Variants in KIRREL3 observed in about 807,000 individuals in gnomAD.
KIRREL3 encodes the protein kirre like nephrin family adhesion molecule 3.
A neutral mutation model predicts 89.7 loss-of-function variants in KIRREL3; 36 were observed. That is an observed-to-expected ratio of 0.40 (90% CI 0.31 to 0.53). KIRREL3 has a LOEUF of 0.53. KIRREL3 is among the 20% of genes least tolerant of loss of function. The probability of loss-of-function intolerance (pLI) is 0.49; values close to 1 mark genes in which losing one functional copy is unlikely to be tolerated. For synonymous variants in KIRREL3, 445 were observed against 441.4 expected (o/e 1.01, Z -0.10); for missense variants, 864 against 1,056.6 (o/e 0.82, Z 2.53).
At position 126,594,278 on chromosome 11, in the gene KIRREL3, G is replaced by A. The variant is rs116779750; in HGVS notation, c.56-31366C>T. The stretch of plus-strand genomic sequence containing the variant: ...GAAGGGTAGGGCTGGGGGCTGGGTC[G>A]GAGCCACAGGATTCATGGCGTACTG... On this transcript the variant is annotated intron_variant, in intron 1 of 16. Transcript: ENST00000525144. The surrounding 1 kb of genome is among the most constrained non-coding windows in gnomAD (Gnocchi z 5.0). Among the ~76,000 whole-genome samples, 340 of 151,612 alleles carry A rather than the reference G, an allele frequency of 2.2e-3. 1 individual carries two copies. Among genetic ancestry groups the A allele is most frequent in the African/African-American group, 8.0e-3 (330 of 41,496 alleles).
At chr11:126,838,562 G>T (rs1021579078) in intron 1 of KIRREL3, among the ~76,000 whole-genome samples, 1 of 152,122 alleles carries the variant, frequency 6.6e-6, no homozygotes, top group Admixed American at 6.5e-5. Context: ...TTTTTAAAGC[G>T]CCTCCCTCTG....
Position 126,900,910 on chromosome 11 carries a change from A to T in KIRREL3, c.55+99545T>A, listed in dbSNP as rs546039856. ...TATGTAAAACTGTAGGAAAAAAGGG[A>T]AAGTTGGAAGGGGAGGATAGAAAGA... On this transcript the variant is annotated intron_variant, in intron 1 of 16. Coordinates refer to ENST00000525144, the MANE Select transcript of KIRREL3 (RefSeq NM_032531.4). This position sits in a 1 kb window ranked among gnomAD's most constrained non-coding sequence, Gnocchi z 4.4. 5.9e-5 allele frequency among the ~76,000 whole-genome samples: 9 copies of T among 152,290 alleles called. No individual in the cohort carries two copies. Among genetic ancestry groups the T allele is most frequent in the African/African-American group, 2.2e-4 (9 of 41,552 alleles).
intron 1 of KIRREL3, among the ~76,000 whole-genome samples, chr11:126,663,103 G>A (rs1057491479): frequency 1.3e-5 from 2 of 151,514 alleles, no homozygotes; most frequent in African/African-American, 4.8e-5. Context: ...ATCTCCACAC[G>A]TGGGACTGAT....
intron 4 of KIRREL3, among the ~76,000 whole-genome samples, chr11:126,504,327 C>T (rs1475728862): frequency 2.0e-5 from 3 of 152,138 alleles, no homozygotes; most frequent in African/African-American, 7.2e-5. Flanking sequence ...ACCTAGCAGC[C>T]AGGGTGAGTC....
At chr11:126,547,213 A>C (rs1370771237) in intron 2 of KIRREL3, among the ~76,000 whole-genome samples, 2 of 152,242 alleles carry the variant, frequency 1.3e-5, no homozygotes, top group Non-Finnish European at 2.9e-5. Context: ...AGGGACCACT[A>C]GTCCTGACAC....
chr11:126,818,618 AGTAGTAGTGTGTGTGTGTGTGT>A (rs1195274984), intron 1 of KIRREL3, among the ~76,000 whole-genome samples: 5 of 72,930 alleles, frequency 6.9e-5, no homozygotes, highest in Non-Finnish European at 1.9e-4. Context: ...TAGTAGTAGT[AGTAGTAGTGTGTGTGTGTGTGT>A]GTGTGTGTGT....
At position 126,441,934 on chromosome 11, in the gene KIRREL3, G is replaced by T. The variant is rs1036251589; in HGVS notation, c.1253-1385C>A. 6.6e-6 allele frequency among the ~76,000 whole-genome samples: 1 copy of T among 152,128 alleles called. No homozygotes were observed. Among genetic ancestry groups the T allele is most frequent in the African/African-American group, 2.4e-5 (1 of 41,436 alleles). Reference sequence around the variant, plus strand: ...GAGGAGATTGATGTTTTAGGAACCGGATGGTGCTTTGTTTTATTGCTGGAC... The same window carrying T: ...GAGGAGATTGATGTTTTAGGAACCGTATGGTGCTTTGTTTTATTGCTGGAC... On this transcript the variant is annotated intron_variant, in intron 10 of 16. Transcript: ENST00000525144. The surrounding 1 kb of genome is among the most constrained non-coding windows in gnomAD (Gnocchi z 5.0).
Position 126,424,953 on chromosome 11 carries a change from G to C in KIRREL3, c.1964C>G (p.Ser655Cys), listed in dbSNP as rs760107224. 1 of 1,593,852 alleles carries C rather than the reference G, an allele frequency of 6.3e-7. No individual in the cohort carries two copies. The highest frequency in any genetic ancestry group is 8.6e-7 in the Non-Finnish European group (1 of 1,167,270). Reference sequence around the variant, plus strand: ...AGGACGCAGGTCGGGCTGGCAGCTGGAGAGGGAGATGGTCGGGGTTGAGTG... The same window carrying C: ...AGGACGCAGGTCGGGCTGGCAGCTGCAGAGGGAGATGGTCGGGGTTGAGTG... Reference protein sequence around the residue: ...EHHSTPTISLSSCQPDLRPAG... With the variant: ...EHHSTPTISLCSCQPDLRPAG... The change falls in exon 17 of 17, where the codon TCC becomes TGC. Residue 655 changes from serine (S) to cysteine (C), a missense_variant. Transcript: ENST00000525144.
intron 1 of KIRREL3, among the ~76,000 whole-genome samples, chr11:126,960,563 T>C (rs1345069688): frequency 2.0e-5 from 3 of 152,196 alleles, no homozygotes; most frequent in African/African-American, 4.8e-5. Context: ...CAGCAACTAG[T>C]AGTCCAGAGA....
intron 1 of KIRREL3, among the ~76,000 whole-genome samples, chr11:126,672,845 A>C (rs555401107): frequency 1.3e-5 from 2 of 152,350 alleles, no homozygotes; most frequent in African/African-American, 4.8e-5. Context: ...CAATCTAGTT[A>C]ATTAACCAAC....
chr11:126,503,046 C>A, intron 4 of KIRREL3, among the ~76,000 whole-genome samples: 1 of 152,204 alleles, frequency 6.6e-6, no homozygotes, highest in Non-Finnish European at 1.5e-5. Flanking sequence ...ATAATGTCAG[C>A]ATTTCACCTG....
chr11:126,554,565 T>A (rs1370329083), intron 2 of KIRREL3, among the ~76,000 whole-genome samples: 1 of 152,160 alleles, frequency 6.6e-6, no homozygotes, highest in Non-Finnish European at 1.5e-5. Flanking sequence ...TCCCAGCATC[T>A]TGGAGCTACT....
intron 1 of KIRREL3, among the ~76,000 whole-genome samples, chr11:126,785,797 C>T (rs928241741): frequency 6.1e-5 from 9 of 148,718 alleles, no homozygotes; most frequent in Admixed American, 2.0e-4. Context: ...TCGCTTGAAC[C>T]CAGGAGGTGG....
rs1947513052 is a variant in KIRREL3, at chr11:126,705,963, T to A, written c.56-143051A>T. Among the ~76,000 whole-genome samples the A allele has an allele frequency of 6.6e-6, 1 of 152,160 alleles. No individual in the cohort carries two copies. The highest frequency in any genetic ancestry group is 1.5e-5 in the Non-Finnish European group (1 of 68,030). On this transcript the variant is annotated intron_variant, in intron 1 of 16. Coordinates refer to ENST00000525144, the MANE Select transcript of KIRREL3 (RefSeq NM_032531.4). The surrounding 1 kb of genome is among the most constrained non-coding windows in gnomAD (Gnocchi z 4.3). ...TGTGCTGTGAGAAGCCTACCCCACATGGAAATATACACAGAGGAAAATGGA... is the reference window on the plus strand; with the variant it reads ...TGTGCTGTGAGAAGCCTACCCCACAAGGAAATATACACAGAGGAAAATGGA...
intron 5 of KIRREL3, among the ~76,000 whole-genome samples, chr11:126,472,428 A>AG (rs1169871945): frequency 6.6e-6 from 1 of 152,148 alleles, no homozygotes; most frequent in Non-Finnish European, 1.5e-5. Context: ...GGAAGGGACA[A>AG]GGGGTCTCCC....
chr11:126,543,017 C>T (rs1417003147), intron 2 of KIRREL3, among the ~76,000 whole-genome samples: 1 of 152,158 alleles, frequency 6.6e-6, no homozygotes, highest in East Asian at 1.9e-4. Context: ...CAGGTCCCAT[C>T]ATCAGCCCCC....
intron 1 of KIRREL3, among the ~76,000 whole-genome samples, chr11:126,916,417 A>G (rs1017769173): frequency 6.6e-6 from 1 of 152,100 alleles, no homozygotes; most frequent in Non-Finnish European, 1.5e-5. Flanking sequence ...TTTAACACGT[A>G]CCCAGGTGAT....
chr11:126,660,827 G>A (rs373983130), intron 1 of KIRREL3, among the ~76,000 whole-genome samples: 2 of 152,160 alleles, frequency 1.3e-5, no homozygotes, highest in South Asian at 4.1e-4. Context: ...ATGCAATATG[G>A]TTTTCCCTGG....
chr11:126,880,616 T>C (rs992613436), intron 1 of KIRREL3, among the ~76,000 whole-genome samples: 2 of 150,038 alleles, frequency 1.3e-5, no homozygotes, highest in Non-Finnish European at 3.0e-5. Flanking sequence ...ATCCTATTTT[T>C]CCTTGTTGTC....
Sources: gnomAD v4.1 joint callset for allele counts (sites outside exome capture counted in the v4.1 genomes callset) on GRCh38, gnomAD v4.1.1 for gene constraint, Gnocchi (gnomAD v3.1) non-coding constraint, MANE v1.5 for transcripts, NCBI Gene and HGNC (gene_info 2026-07-23, HGNC 2026-07-21) for gene names.